Variants in RFX7 observed in about 807,000 individuals in gnomAD.
RFX7 encodes regulatory factor X7.
Under a neutral mutation model 111.8 loss-of-function variants are expected in RFX7, and 26 were observed. That is an observed-to-expected ratio of 0.23 (90% CI 0.17 to 0.32). The LOEUF (loss-of-function observed/expected upper bound fraction) is 0.32. Ranked by LOEUF, RFX7 falls within the 10% of genes least tolerant of loss-of-function variation. The pLI is 1.00. For missense variants in RFX7, 1,573 were observed against 1,772.9 expected, an observed-to-expected ratio of 0.89 and a Z score of 2.02; for synonymous variants, 624 against 624.4, an observed-to-expected ratio of 1.00 and a Z score of 0.01.
intron 5 of RFX7, among the ~76,000 whole-genome samples, chr15:56,127,868 A>T (rs1475210403): frequency 6.6e-6 from 1 of 151,982 alleles, no homozygotes; most frequent in Admixed American, 6.6e-5. Flanking sequence ...AAAACTAACA[A>T]ATGTTCAGCT....
chr15:56,143,374 C>CAT lies in RFX7; in HGVS notation c.279-476_279-475dup, dbSNP rs1272152824. Among the ~76,000 whole-genome samples the CAT allele has an allele frequency of 8.7e-5, 10 of 115,598 alleles. No individual in the cohort carries two copies. In the South Asian group the frequency reaches 1.3e-3, roughly 16 times the overall value. The allele number at this position is 115,598 out of a possible 152,430, so 75.8% of individuals were successfully genotyped here. On this transcript the variant is annotated intron_variant, in intron 4 of 9. Coordinates refer to ENST00000559447, the MANE Select transcript of RFX7 (RefSeq NM_022841.7). Reference sequence around the variant, plus strand: ...ATACATACACACACACACACACACACATATATATGTATATATAACTACTTG... The same window carrying CAT: ...ATACATACACACACACACACACACACATATATATATGTATATATAACTACTTG...
chr15:56,209,805 C>T (rs542960855), intron 2 of RFX7, among the ~76,000 whole-genome samples: 39 of 149,422 alleles, frequency 2.6e-4, no homozygotes, highest in Non-Finnish European at 4.2e-4. Flanking sequence ...CACTAAAAAA[C>T]GCAAAGAAAG....
At chr15:56,155,003 G>T (rs2042632411) in intron 3 of RFX7, among the ~76,000 whole-genome samples, 1 of 152,194 alleles carries the variant, frequency 6.6e-6, no homozygotes, top group South Asian at 2.1e-4. Context: ...AGACATTTAT[G>T]CAGCCAACAG....
In RFX7 at chr15:56,243,502, C is replaced by G. The variant is rs1430775261; in HGVS notation, c.-60G>C. 4 of 984,990 alleles carry G rather than the reference C, an allele frequency of 4.1e-6. No homozygotes were observed. The East Asian group carries it at 4.6e-4, about 113-fold the overall frequency. The allele number at this position is 984,990 out of a possible 1,614,324, so 61.0% of individuals were successfully genotyped here. A position where few individuals can be genotyped will look rare whatever the true frequency, so the allele number is the denominator to read the frequency against. On this transcript the variant is annotated 5_prime_UTR_variant, in exon 1 of 10. Coordinates refer to ENST00000559447, the MANE Select transcript of RFX7 (RefSeq NM_022841.7). ...GCCTGGGGAACATCACCGGGGAGAC[C>G]AGCGGCTCCTCACGGCCGGGGCGCT... is the stretch of plus-strand genomic sequence containing the variant.
chr15:56,124,630 C>G (rs908936130), intron 5 of RFX7, among the ~76,000 whole-genome samples: 1 of 152,162 alleles, frequency 6.6e-6, no homozygotes, highest in Non-Finnish European at 1.5e-5. Context: ...CATTTTTCCA[C>G]GTACCTATGG....
At chr15:56,218,640 C>T (rs1008648799) in intron 2 of RFX7, among the ~76,000 whole-genome samples, 1 of 152,034 alleles carries the variant, frequency 6.6e-6, no homozygotes, top group Non-Finnish European at 1.5e-5. Context: ...TTAGGAAAAG[C>T]GGAAAGCCAA....
At chr15:56,155,020 G>A (rs1474144022) in intron 3 of RFX7, among the ~76,000 whole-genome samples, 5 of 152,234 alleles carry the variant, frequency 3.3e-5, no homozygotes, top group Middle Eastern at 3.4e-3. Context: ...ACAGACATAG[G>A]AAAAATGCTC....
At chr15:56,216,067 T>C (rs545444269) in intron 2 of RFX7, among the ~76,000 whole-genome samples, 7 of 152,208 alleles carry the variant, frequency 4.6e-5, no homozygotes, top group Admixed American at 6.5e-5. Flanking sequence ...CACACCACCA[T>C]GTCTGCTTTT....
At chr15:56,234,231 G>A (rs1348241069) in intron 2 of RFX7, among the ~76,000 whole-genome samples, 4 of 152,156 alleles carry the variant, frequency 2.6e-5, no homozygotes, top group African/African-American at 9.7e-5. Flanking sequence ...CTCAATTGAT[G>A]AGTCTCCCAC....
At position 56,092,142 on chromosome 15, in the gene RFX7, G is replaced by T. The variant is rs1595916579; in HGVS notation, c.*1203C>A. The T allele has an allele frequency of 6.6e-6, 1 of 152,462 alleles. No individual in the cohort carries two copies. The highest frequency in any genetic ancestry group is 1.5e-5 in the Non-Finnish European group (1 of 67,958). 9.4% of individuals were successfully genotyped at this position (152,462 alleles called of 1,614,324 possible). On this transcript the variant is annotated 3_prime_UTR_variant, in exon 10 of 10. Transcript: ENST00000559447. ...AAAACAAATCCTGAGTTCTTCTTTT[G>T]CAATTGTGGTTATCACAATAAATAA...
At chr15:56,111,266 G>GGT (rs1319649050) in intron 5 of RFX7, among the ~76,000 whole-genome samples, 2 of 150,786 alleles carry the variant, frequency 1.3e-5, no homozygotes, top group African/African-American at 2.4e-5. Context: ...TGTAGAAAGA[G>GGT]GTAGACATGG....
intron 2 of RFX7, among the ~76,000 whole-genome samples, chr15:56,236,666 A>G (rs2043626839): frequency 6.6e-6 from 1 of 152,248 alleles, no homozygotes; most frequent in Non-Finnish European, 1.5e-5. Context: ...AATTATTCTG[A>G]AAGAGTACAT....
At chr15:56,176,923 A>C (rs575094846) in intron 3 of RFX7, among the ~76,000 whole-genome samples, 1 of 117,672 alleles carries the variant, frequency 8.5e-6, no homozygotes, top group East Asian at 2.5e-4. Flanking sequence ...CACTGTTCCA[A>C]CAACAGCCAG....
chr15:56,199,584 G>T (rs1267573483), intron 2 of RFX7, among the ~76,000 whole-genome samples: 1 of 152,060 alleles, frequency 6.6e-6, no homozygotes, highest in African/African-American at 2.4e-5. Context: ...ATTCAAATAT[G>T]TCAAATAACA....
intron 3 of RFX7, among the ~76,000 whole-genome samples, chr15:56,174,070 G>A (rs777240912): frequency 1.3e-5 from 2 of 152,010 alleles, no homozygotes; most frequent in African/African-American, 2.4e-5. Context: ...CTGAGGTCAC[G>A]AGTCCGAGAC....
intron 2 of RFX7, among the ~76,000 whole-genome samples, chr15:56,189,033 G>A (rs1167421877): frequency 6.6e-6 from 1 of 152,110 alleles, no homozygotes; most frequent in African/African-American, 2.4e-5. Context: ...TGGCCATGCT[G>A]GTCTTGAACT....
At chr15:56,179,105 G>T (rs1385348744) in intron 3 of RFX7, 165 bp downstream of exon 3, 21 of 271,976 alleles carry the variant, frequency 7.7e-5, no homozygotes, top group Middle Eastern at 1.4e-3. Context: ...AAGTATCTAG[G>T]TAGCTTATAA....
chr15:56,166,373 C>G (rs1010977437), intron 3 of RFX7, among the ~76,000 whole-genome samples: 2 of 152,048 alleles, frequency 1.3e-5, no homozygotes, highest in Admixed American at 1.3e-4. Context: ...TTTATTTTTT[C>G]TAATAACTCC....
At chr15:56,126,304 T>C (rs1042509069) in intron 5 of RFX7, among the ~76,000 whole-genome samples, 1 of 152,202 alleles carries the variant, frequency 6.6e-6, no homozygotes, top group African/African-American at 2.4e-5. Flanking sequence ...CTTTGTGCCA[T>C]TTTAACTTGC....
Sources: allele counts gnomAD v4.1 joint callset (sites outside exome capture counted in the v4.1 genomes callset), GRCh38; gene constraint gnomAD v4.1.1; transcripts MANE v1.5; gene names NCBI Gene and HGNC (gene_info 2026-07-23, HGNC 2026-07-21).